FGGY: variants seen among roughly 807,000 people sequenced by gnomAD.
FGGY encodes FGGY carbohydrate kinase domain-containing protein.
In FGGY, 72 loss-of-function variants were observed where a neutral mutation model predicts 71.3. That is an observed-to-expected ratio of 1.01 (90% CI 0.84 to 1.23). The LOEUF (loss-of-function observed/expected upper bound fraction) is 1.23, where lower values mean the gene tolerates loss of function less well. Among genes scored for constraint, FGGY ranks in the 50% most tolerant of loss-of-function variants. The pLI is 0.00. For synonymous variants in FGGY, 251 were observed against 250.3 expected, an observed-to-expected ratio of 1.00 and a Z score of -0.02; for missense variants, 668 against 682.3, an observed-to-expected ratio of 0.98 and a Z score of 0.23.
intron 5 of FGGY, among the ~76,000 whole-genome samples, chr1:59,387,367 G>A (rs74087416): frequency 6.6e-6 from 1 of 151,964 alleles, no homozygotes; most frequent in African/African-American, 2.4e-5. Flanking sequence ...TATCAATTTT[G>A]TCAAGGGTTT....
intron 6 of FGGY, among the ~76,000 whole-genome samples, chr1:59,483,874 G>T (rs2093579646): frequency 6.6e-6 from 1 of 151,728 alleles, no homozygotes; most frequent in African/African-American, 2.4e-5. Context: ...CTAACAGTTT[G>T]GCTTCTTGAA....
chr1:59,572,916 A>T (rs1471820768), intron 8 of FGGY, among the ~76,000 whole-genome samples: 4 of 152,150 alleles, frequency 2.6e-5, no homozygotes, highest in Non-Finnish European at 4.4e-5. Flanking sequence ...CTTTGTTTTT[A>T]GGTTGTTTTA....
chr1:59,453,151 A>C (rs1193964287), intron 5 of FGGY, among the ~76,000 whole-genome samples: 2 of 152,198 alleles, frequency 1.3e-5, no homozygotes, highest in African/African-American at 4.8e-5. Context: ...TCTGCTGCTT[A>C]ATAGCACGTC....
intron 4 of FGGY, among the ~76,000 whole-genome samples, chr1:59,365,976 G>A (rs989911490): frequency 6.6e-6 from 1 of 152,196 alleles, no homozygotes; most frequent in Admixed American, 6.5e-5. Context: ...TCAAAATCAG[G>A]TATGCCAGAC....
intron 14 of FGGY, among the ~76,000 whole-genome samples, chr1:59,737,902 A>C (rs1030595890): frequency 3.3e-5 from 5 of 152,162 alleles, no homozygotes; most frequent in African/African-American, 1.2e-4. Context: ...TCTCACCTTG[A>C]ATTCCTCCAT....
chr1:59,344,992 A>C (rs202242837), intron 3 of FGGY, among the ~76,000 whole-genome samples: 1 of 152,284 alleles, frequency 6.6e-6, no homozygotes, highest in African/African-American at 2.4e-5. Context: ...TCTGTTCTCT[A>C]TGCAGATCTA....
rs117355110 is a variant in FGGY, at chr1:59,348,339, A to C, written c.465+1941A>C. Among the ~76,000 whole-genome samples the C allele has an allele frequency of 6.7e-3, 1,020 of 152,282 alleles. 38 individuals carry two copies. Among genetic ancestry groups the C allele is most frequent in the Admixed American group, 0.063 (966 of 15,272 alleles). On this transcript the variant is annotated intron_variant, in intron 4 of 15. Transcript: ENST00000303721. ...TGACATCTTAGGCTTTCCCTTTCTC[A>C]TCCCACCTGCACTCGAGTTTCTCAT...
chr1:59,629,625 T>C (rs1264827389), intron 10 of FGGY, among the ~76,000 whole-genome samples: 3 of 152,230 alleles, frequency 2.0e-5, no homozygotes, highest in Non-Finnish European at 4.4e-5. Context: ...GCTGATTACA[T>C]AATTCTGCAT....
intron 3 of FGGY, among the ~76,000 whole-genome samples, chr1:59,342,187 G>T (rs1381985454): frequency 6.6e-6 from 1 of 152,128 alleles, no homozygotes; most frequent in African/African-American, 2.4e-5. Flanking sequence ...CAATTCATGA[G>T]CCCTACCCTC....
chr1:59,552,274 C>T (rs2095619893), intron 7 of FGGY, among the ~76,000 whole-genome samples: 1 of 152,198 alleles, frequency 6.6e-6, no homozygotes, highest in Non-Finnish European at 1.5e-5. Flanking sequence ...CCCCACAATA[C>T]TGAGCAGAGC....
intron 14 of FGGY, among the ~76,000 whole-genome samples, chr1:59,708,267 T>C (rs977052191): frequency 3.3e-5 from 5 of 152,198 alleles, no homozygotes; most frequent in African/African-American, 9.7e-5. Context: ...TCATTTTTTT[T>C]TTCCTCATCT....
chr1:59,613,199 T>C (rs538408606), intron 9 of FGGY, among the ~76,000 whole-genome samples: 20 of 152,324 alleles, frequency 1.3e-4, no homozygotes, highest in African/African-American at 4.8e-4. Flanking sequence ...ATATACATTC[T>C]TCTCAGCAAC....
intron 14 of FGGY, among the ~76,000 whole-genome samples, chr1:59,724,205 A>C (rs1008261321): frequency 6.6e-6 from 1 of 151,556 alleles, no homozygotes; most frequent in Middle Eastern, 3.2e-3. Flanking sequence ...TTGGCCAGGC[A>C]TGGTGGCTCA....
chr1:59,450,101 T>C (rs2072341758), intron 5 of FGGY, among the ~76,000 whole-genome samples: 1 of 152,248 alleles, frequency 6.6e-6, no homozygotes, highest in Non-Finnish European at 1.5e-5. Context: ...CTATTTTCTT[T>C]TTCTGTCTTC....
At chr1:59,301,802 C>T (rs1391453313) in intron 1 of FGGY, among the ~76,000 whole-genome samples, 3 of 146,200 alleles carry the variant, frequency 2.1e-5, no homozygotes, top group Non-Finnish European at 4.5e-5. Flanking sequence ...CAACCTCCAC[C>T]TCCCAGGTTC....
At chr1:59,601,206 G>T (rs538347728) in intron 8 of FGGY, among the ~76,000 whole-genome samples, 1 of 152,100 alleles carries the variant, frequency 6.6e-6, no homozygotes, top group South Asian at 2.1e-4. Context: ...GACGACTGGC[G>T]CCTGGAGCCT....
intron 8 of FGGY, among the ~76,000 whole-genome samples, chr1:59,605,021 C>T (rs1246918592): frequency 6.6e-6 from 1 of 152,192 alleles, no homozygotes; most frequent in Non-Finnish European, 1.5e-5. Context: ...GTGGCTGGAA[C>T]ATTCACCATA....
At chr1:59,722,082 C>T (rs1392906066) in intron 14 of FGGY, among the ~76,000 whole-genome samples, 1 of 152,112 alleles carries the variant, frequency 6.6e-6, no homozygotes, top group Non-Finnish European at 1.5e-5. Flanking sequence ...TCTCCTTAAG[C>T]TTTTCTGGCT....
intron 5 of FGGY, among the ~76,000 whole-genome samples, chr1:59,403,295 A>G (rs1050843671): frequency 1.3e-5 from 2 of 152,310 alleles, no homozygotes; most frequent in Middle Eastern, 6.8e-3. Flanking sequence ...AGCCTAGACT[A>G]TGCTTTGTCT....
Sources: gnomAD v4.1 joint callset for allele counts (sites outside exome capture counted in the v4.1 genomes callset) on GRCh38, gnomAD v4.1.1 for gene constraint, MANE v1.5 for transcripts, NCBI Gene and HGNC (gene_info 2026-07-23, HGNC 2026-07-21) for gene names.